Variants in C8orf76 observed in about 807,000 individuals in gnomAD.
C8orf76 encodes the protein uncharacterized protein C8orf76.
A neutral mutation model predicts 38.1 loss-of-function variants in C8orf76; 46 were observed. That is an observed-to-expected ratio of 1.21 (90% confidence interval 0.95 to 1.54). The LOEUF (loss-of-function observed/expected upper bound fraction) is 1.54. Among genes scored for constraint, C8orf76 ranks in the 40% most tolerant of loss-of-function variants. The probability of loss-of-function intolerance (pLI) is 0.00; values close to 1 mark genes in which losing one functional copy is unlikely to be tolerated. For missense variants in C8orf76, 461 were observed against 441.6 expected (o/e 1.04, Z -0.39); for synonymous variants, 166 against 167.5 (o/e 0.99, Z 0.07).
intron 3 of C8orf76, among the ~76,000 whole-genome samples, chr8:123,236,175 G>T (rs191418876): frequency 6.6e-6 from 1 of 152,180 alleles, no homozygotes; most frequent in Admixed American, 6.5e-5. Context: ...GCAAACAAAG[G>T]TTAGGGATTT....
chr8:123,221,460 G>A (rs974145021), intron 5 of C8orf76, among the ~76,000 whole-genome samples: 1 of 152,170 alleles, frequency 6.6e-6, no homozygotes, highest in African/African-American at 2.4e-5. Flanking sequence ...TTTTGAGTCA[G>A]AGTCTCGCTC....
rs1358580545 is a variant in C8orf76, at chr8:123,220,288, C to T, written c.958G>A (p.Glu320Lys). 1 of 1,584,962 alleles carries T rather than the reference C, an allele frequency of 6.3e-7. No individual in the cohort carries two copies. The highest frequency in any genetic ancestry group is 8.6e-7 in the Non-Finnish European group (1 of 1,169,518). Reference sequence around the variant, plus strand: ...TCTTTTATTTTTTCTGGGATATCTTCTCCCATAACCTATAACAGGAGGAAA... The same window carrying T: ...TCTTTTATTTTTTCTGGGATATCTTTTCCCATAACCTATAACAGGAGGAAA... ...TLLLIAEVMG[E>K]DIPEKIKDEV... is the part of the protein sequence containing the mutation. Residue 320 changes from glutamate to lysine, a missense_variant, in exon 6 of 6, where the codon GAA (glutamate) becomes AAA (lysine). Coordinates refer to ENST00000276704, the MANE Select transcript of C8orf76 (RefSeq NM_032847.3).
At chr8:123,225,692 C>T (rs1370828825) in intron 5 of C8orf76, among the ~76,000 whole-genome samples, 4 of 152,000 alleles carry the variant, frequency 2.6e-5, no homozygotes, top group East Asian at 1.9e-4. Flanking sequence ...TTTGGGAGGC[C>T]GAGGTGGGTA....
chr8:123,227,838 G>C (rs1358939715), intron 4 of C8orf76, among the ~76,000 whole-genome samples: 1 of 152,140 alleles, frequency 6.6e-6, no homozygotes, highest in Non-Finnish European at 1.5e-5. Context: ...TTTCAGAAAG[G>C]AGCCTGACCT....
At position 123,226,592 on chromosome 8, in the gene C8orf76, C is replaced by G. The variant is rs1563797540; in HGVS notation, c.856G>C (p.Ala286Pro). ...QFTQPQQTSF[A>P]LERNLRTQQE... ...TGAGTCCTTAAGTTCCTCTCCAAAG[C>G]AAACGATGTTTGCTGAGGTTGGGTA... is the stretch of plus-strand genomic sequence containing the variant. Residue 286 changes from alanine to proline, a missense_variant, in exon 5 of 6, where the codon GCT (alanine) becomes CCT (proline). By Grantham distance (27) the Ala-to-Pro change is conservative. Transcript: ENST00000276704. 7 of 1,610,384 alleles carry G rather than the reference C, an allele frequency of 4.3e-6. No homozygotes were observed. The highest frequency in any genetic ancestry group is 3.3e-5 in the South Asian group (3 of 90,238).
At chr8:123,222,718 T>C (rs891000406) in intron 5 of C8orf76, among the ~76,000 whole-genome samples, 7 of 152,192 alleles carry the variant, frequency 4.6e-5, no homozygotes, top group African/African-American at 1.7e-4. Context: ...TTCATCTTAA[T>C]AGTAAATAAA....
chr8:123,225,167 G>A (rs1238599866), intron 5 of C8orf76, among the ~76,000 whole-genome samples: 1 of 152,002 alleles, frequency 6.6e-6, no homozygotes, highest in Non-Finnish European at 1.5e-5. Flanking sequence ...CACCTCAACC[G>A]GCTAGTTTTT....
chr8:123,233,265 C>T (rs918137532), intron 3 of C8orf76, among the ~76,000 whole-genome samples: 14 of 151,900 alleles, frequency 9.2e-5, no homozygotes, highest in Admixed American at 8.5e-4. Flanking sequence ...GTGATCCACC[C>T]CCTTCGGCCT....
chr8:123,241,292 C>A lies in C8orf76; in HGVS notation c.55G>T (p.Glu19Ter). Residue 19 changes from glutamate (E) to a stop codon, truncating the protein, a stop_gained, in exon 1 of 6, where the codon GAG (glutamate) becomes TAG (stop). Coordinates refer to ENST00000276704, the MANE Select transcript of C8orf76 (RefSeq NM_032847.3). LOFTEE classifies it high-confidence loss of function. ...GGTCCTGACCGCCGCTCCGGCCTCT[C>A]CTCGAACACCGAGTCCTCGAACTCG... ...GGEFEDSVFE[E>*]RPERRSGPPA... 6.3e-7 allele frequency: 1 copy of A among 1,578,012 alleles called. No individual in the cohort carries two copies. The highest frequency in any genetic ancestry group is 8.6e-7 in the Non-Finnish European group (1 of 1,167,286).
chr8:123,239,451 G>C (rs957392133), intron 1 of C8orf76: 34 of 225,812 alleles, frequency 1.5e-4, no homozygotes, highest in African/African-American at 7.6e-4. Context: ...TTTACTGAAA[G>C]GACATAGGAA....
chr8:123,240,899 A>G (rs1417409481), intron 1 of C8orf76, among the ~76,000 whole-genome samples: 1 of 152,218 alleles, frequency 6.6e-6, no homozygotes, highest in African/African-American at 2.4e-5. Flanking sequence ...GGGAGGCCTG[A>G]CTGCCCAGCT....
intron 3 of C8orf76, among the ~76,000 whole-genome samples, chr8:123,234,368 C>G (rs1384470432): frequency 7.9e-5 from 12 of 152,136 alleles, no homozygotes; most frequent in Non-Finnish European, 2.9e-5. Context: ...GGCAAGGTGG[C>G]TCACCCCTGT....
intron 3 of C8orf76, among the ~76,000 whole-genome samples, chr8:123,233,059 C>A (rs1350621297): frequency 1.3e-5 from 2 of 151,688 alleles, no homozygotes; most frequent in Admixed American, 1.3e-4. Flanking sequence ...TCGCTCTCGT[C>A]GCCCAGGCTG....
At chr8:123,229,754 C>A (rs1010402021) in intron 4 of C8orf76, among the ~76,000 whole-genome samples, 1 of 152,194 alleles carries the variant, frequency 6.6e-6, no homozygotes, top group Non-Finnish European at 1.5e-5. Context: ...CGGTAGCTCA[C>A]TCCTGTAATC....
intron 5 of C8orf76, among the ~76,000 whole-genome samples, chr8:123,225,163 A>G (rs116714400): frequency 0.031 from 4,648 of 152,132 alleles, 221 homozygotes; most frequent in African/African-American, 0.11. Context: ...CTGCCACCTC[A>G]ACCGGCTAGT....
At chr8:123,237,110 A>C in intron 3 of C8orf76, 3 of 983,248 alleles carry the variant, frequency 3.1e-6, no homozygotes, top group Non-Finnish European at 4.9e-6. Flanking sequence ...CAACTACAAC[A>C]AGATGATCTG....
rs542152839 is a variant in C8orf76, at chr8:123,233,101, A to G, written c.358-1344T>C. ...AATGGTGCGATCTCAGCTCACCGCA[A>G]CCTCTGCCTCCCTGGTTCAAGCAAT... is the stretch of plus-strand genomic sequence containing the variant. On this transcript the variant is annotated intron_variant, in intron 3 of 5. Transcript: ENST00000276704. Among the ~76,000 whole-genome samples, 17 of 151,840 alleles carry G rather than the reference A, an allele frequency of 1.1e-4. No individual in the cohort carries two copies. In the East Asian group the frequency reaches 2.7e-3, roughly 24 times the overall value.
Position 123,231,421 on chromosome 8 carries a change from T to C in C8orf76, c.694A>G (p.Ser232Gly). Residue 232 changes from serine (S) to glycine (G), a missense_variant, in exon 4 of 6, where the codon AGC (serine) becomes GGC (glycine). Coordinates refer to ENST00000276704, the MANE Select transcript of C8orf76 (RefSeq NM_032847.3). ...TTCTCATTTTTCTGGCTATTACTGC[T>C]ATTCGCTTCCACAGAAAATAAAGAG... ...ESSLFSVEAN[S>G]SNSQKNEKAL... The C allele has an allele frequency of 6.2e-7, 1 of 1,614,220 alleles. No homozygotes were observed. Among genetic ancestry groups the C allele is most frequent in the Non-Finnish European group, 8.5e-7 (1 of 1,180,040 alleles).
chr8:123,231,522 T>A lies in C8orf76; in HGVS notation c.593A>T (p.Asp198Val). ...TGGAAAGAAGGATTTGATAGTTTTG[T>A]CACTTGAGGTGAAACTGTGCTGTTT... Reference protein sequence around the residue: ...SQKQHSFTSSDKTIKSFFPHS... With the variant: ...SQKQHSFTSSVKTIKSFFPHS... Residue 198 changes from aspartate (D) to valine (V), a missense_variant, in exon 4 of 6, where the codon GAC becomes GTC. Asp to Val is a radical substitution (Grantham distance 152, BLOSUM62 -3). Coordinates refer to ENST00000276704, the MANE Select transcript of C8orf76 (RefSeq NM_032847.3). The A allele has an allele frequency of 6.2e-7, 1 of 1,614,258 alleles. No homozygotes were observed. The highest frequency in any genetic ancestry group is 8.5e-7 in the Non-Finnish European group (1 of 1,180,054).
Sources: allele counts gnomAD v4.1 joint callset (sites outside exome capture counted in the v4.1 genomes callset), GRCh38; gene constraint gnomAD v4.1.1; transcripts MANE v1.5; gene names NCBI Gene and HGNC (gene_info 2026-07-23, HGNC 2026-07-21).